Variants in NKTR observed in about 807,000 individuals in gnomAD.
The protein encoded by NKTR is NK-tumor recognition protein.
In NKTR, 67 loss-of-function variants were observed where a neutral mutation model predicts 156.3. The observed-to-expected ratio is 0.43, with a 90% CI of 0.35 to 0.53. The LOEUF is 0.53. Among genes scored for constraint, NKTR ranks in the 20% least tolerant of loss-of-function variants. NKTR has a pLI of 0.01. For missense variants in NKTR, 1,604 were observed against 1,730.9 expected (o/e 0.93, Z 1.30); for synonymous variants, 640 against 596.6 (o/e 1.07, Z -1.06).
At chr3:42,627,593 A>G (rs1299590331) in intron 6 of NKTR, 4 of 985,144 alleles carry the variant, frequency 4.1e-6, no homozygotes, top group Non-Finnish European at 4.8e-6. Flanking sequence ...ACACTTGTCA[A>G]TTTCTAAGAT....
intron 14 of NKTR, 70 bp downstream of exon 14, chr3:42,642,666 G>GGGGTAGTT: frequency 9.4e-7 from 1 of 1,067,146 alleles, no homozygotes; most frequent in East Asian, 2.4e-5. Context: ...ATAGGCAGAG[G>GGGGTAGTT]GGGTAGTTGT....
chr3:42,620,803 C>G, intron 5 of NKTR: 1 of 984,968 alleles, frequency 1.0e-6, no homozygotes, highest in Non-Finnish European at 1.2e-6. Context: ...TGTGGTTGTT[C>G]CTTGTGGCAG....
At chr3:42,628,785 T>G (rs1312683004) in intron 6 of NKTR, 1 of 661,196 alleles carries the variant, frequency 1.5e-6, no homozygotes, top group South Asian at 6.9e-5. Context: ...GTGGATCACC[T>G]GAGGTCAGGA....
Position 42,621,535 on chromosome 3 carries a change from G to C in NKTR, c.374+19G>C. 1 of 1,602,104 alleles carries C rather than the reference G, an allele frequency of 6.2e-7. No homozygotes were observed. The highest frequency in any genetic ancestry group is 8.5e-7 in the Non-Finnish European group (1 of 1,175,744). On this transcript the variant is annotated intron_variant, in intron 6 of 16. Coordinates refer to ENST00000232978, the MANE Select transcript of NKTR (RefSeq NM_005385.4). The stretch of plus-strand genomic sequence containing the variant: ...TTTTCATGTGAGTAGGCATAATTCA[G>C]AGATGAGCTTTTCTTAAACAGAGAA...
At position 42,619,499 on chromosome 3, in the gene NKTR, A is replaced by G. The variant is rs531035757; in HGVS notation, c.242-165A>G. Reference sequence around the variant, plus strand: ...GGTATTTCTTGTAATGGGACTTGACATATATTTTACAGATGAAGTTAATTG... The same window carrying G: ...GGTATTTCTTGTAATGGGACTTGACGTATATTTTACAGATGAAGTTAATTG... On this transcript the variant is annotated intron_variant, in intron 4 of 16. Coordinates refer to ENST00000232978, the MANE Select transcript of NKTR (RefSeq NM_005385.4). 862 of 1,453,420 alleles carry G rather than the reference A, an allele frequency of 5.9e-4. 8 individuals are homozygous for G. The South Asian group carries it at 0.012, about 20-fold the overall frequency. 90.0% of individuals were successfully genotyped at this position (1,453,420 alleles called of 1,614,324 possible). A position where few individuals can be genotyped will look rare whatever the true frequency, so the allele number is the denominator to read the frequency against.
In NKTR at chr3:42,619,035, G is replaced by A; in HGVS notation, c.149G>A (p.Gly50Glu). The A allele has an allele frequency of 6.3e-7, 1 of 1,590,256 alleles. No homozygotes were observed. ...TTTTTTCCAGGAGAGAAAGGCCTTG[G>A]GAAAACAACTGGGAAGAAGTTATGT... ...LCLCSGEKGL[G>E]KTTGKKLCYK... Residue 50 changes from glycine to glutamate, a missense_variant, in exon 4 of 17, where the codon GGG (glycine) becomes GAG (glutamate). Physicochemically the swap from Gly to Glu is moderately conservative, Grantham distance 98. This residue lies in a region of NKTR where 73 missense variants were observed against 90.7 expected (regional missense o/e 0.80). Transcript: ENST00000232978.
chr3:42,643,576 G>A (rs1577597021), intron 15 of NKTR, 181 bp downstream of exon 15: 5 of 634,420 alleles, frequency 7.9e-6, no homozygotes, highest in Middle Eastern at 2.6e-4. Flanking sequence ...TTGTACTCCA[G>A]TGTCAAAAAT....
chr3:42,632,437 A>G, intron 8 of NKTR, 164 bp from the exon 9 acceptor site: 3 of 578,580 alleles, frequency 5.2e-6, no homozygotes, highest in Non-Finnish European at 9.2e-6. Context: ...CTACCTTACA[A>G]TCTTGCCAGT....
chr3:42,643,726 A>G (rs1251438791), intron 15 of NKTR, 176 bp from the exon 16 acceptor site: 2 of 687,156 alleles, frequency 2.9e-6, no homozygotes, highest in East Asian at 2.7e-5. Flanking sequence ...AATTATGGTA[A>G]GTCTCATTTG....
chr3:42,629,914 T>G, intron 6 of NKTR: 2 of 985,492 alleles, frequency 2.0e-6, no homozygotes, highest in Non-Finnish European at 2.4e-6. Flanking sequence ...CATTACTTTT[T>G]GCTGTCAGAA....
chr3:42,619,828 C>A, intron 5 of NKTR, 120 bp downstream of exon 5: 1 of 1,494,060 alleles, frequency 6.7e-7, no homozygotes, highest in Non-Finnish European at 8.9e-7. Context: ...ACTAATGCTG[C>A]ATGAAAATAC....
At chr3:42,635,877 C>T (rs554792017) in intron 12 of NKTR, among the ~76,000 whole-genome samples, 76 of 150,920 alleles carry the variant, frequency 5.0e-4, no homozygotes, top group African/African-American at 1.6e-3. Flanking sequence ...CACTGCACTC[C>T]AGCCTGGGTG....
rs1376711373 is a variant in NKTR, at chr3:42,635,338, A to G, written c.1135A>G (p.Ser379Gly). The G allele has an allele frequency of 6.2e-7, 1 of 1,612,030 alleles. No individual in the cohort carries two copies. The highest frequency in any genetic ancestry group is 2.2e-5 in the East Asian group (1 of 44,802). Residue 379 changes from serine (S) to glycine (G), a missense_variant, in exon 12 of 17, where the codon AGT (serine) becomes GGT (glycine). By Grantham distance (56) the Ser-to-Gly change is moderately conservative. Around this residue, in one of 6 missense-constraint regions of NKTR, gnomAD observed 1,255 missense variants for 1,243.7 expected, o/e 1.01. Transcript: ENST00000232978. The part of the protein sequence containing the change: ...MQRLRAYRPP[S>G]GEKWSKGDKL... ...GAGATTAAGAGCATATAGACCACCTAGTGGAGAAAAATGGAGTAAAGGAGA... is the reference window on the plus strand; with the variant it reads ...GAGATTAAGAGCATATAGACCACCTGGTGGAGAAAAATGGAGTAAAGGAGA...
chr3:42,620,632 T>TA lies in NKTR; in HGVS notation c.287-793dup, dbSNP rs559233602. On this transcript the variant is annotated intron_variant, in intron 5 of 16. Coordinates refer to ENST00000232978, the MANE Select transcript of NKTR (RefSeq NM_005385.4). ...GAAGAAGATTTGTTTGTATGAATGTTAAAAGGACATATAAGTTAGTTTTCA... is the reference window on the plus strand; with the variant it reads ...GAAGAAGATTTGTTTGTATGAATGTTAAAAAGGACATATAAGTTAGTTTTCA... 154 of 982,110 alleles carry TA rather than the reference T, an allele frequency of 1.6e-4. No homozygotes were observed. The East Asian group carries it at 0.012, about 80-fold the overall frequency. 60.8% of individuals were successfully genotyped at this position (982,110 alleles called of 1,614,324 possible).
chr3:42,637,744 A>T lies in NKTR; in HGVS notation c.2040A>T (p.Lys680Asn). 1 of 1,613,966 alleles carries T rather than the reference A, an allele frequency of 6.2e-7. No homozygotes were observed. The highest frequency in any genetic ancestry group is 8.5e-7 in the Non-Finnish European group (1 of 1,179,978). ...AAAGTGATCAGAGCACTTATTCAAA[A>T]TACAGTGATAGAAGTTCAGAAAGCT... The part of the protein sequence containing the change: ...NSESDQSTYS[K>N]YSDRSSESSP... The change falls in exon 13 of 17, where the codon AAA becomes AAT. Residue 680 changes from lysine (K) to asparagine (N), a missense_variant. Around this residue, in one of 6 missense-constraint regions of NKTR, gnomAD observed 1,255 missense variants for 1,243.7 expected, o/e 1.01. Coordinates refer to ENST00000232978, the MANE Select transcript of NKTR (RefSeq NM_005385.4).
At chr3:42,621,299 G>T in intron 5 of NKTR, 130 bp from the exon 6 acceptor site, 4 of 1,336,926 alleles carry the variant, frequency 3.0e-6, no homozygotes, top group South Asian at 2.0e-5. Flanking sequence ...TTTCTTTTCT[G>T]AGTGTTCAGT....
intron 8 of NKTR, among the ~76,000 whole-genome samples, chr3:42,632,138 C>T (rs1708975076): frequency 7.0e-6 from 1 of 143,452 alleles, no homozygotes; most frequent in South Asian, 2.2e-4. Context: ...GGCACTATCT[C>T]GGCTCACTGC....
chr3:42,633,228 C>T, intron 9 of NKTR: 1 of 494,424 alleles, frequency 2.0e-6, no homozygotes, highest in Non-Finnish European at 2.8e-6. Flanking sequence ...TTTGTAGAGA[C>T]AGGGTCTTCC....
intron 16 of NKTR, among the ~76,000 whole-genome samples, chr3:42,644,927 C>CT (rs1416961629): frequency 2.0e-5 from 3 of 152,264 alleles, no homozygotes; most frequent in Non-Finnish European, 1.5e-5. Context: ...GTCTTGCTGA[C>CT]TATTCTATTC....
Sources: allele counts gnomAD v4.1 joint callset (sites outside exome capture counted in the v4.1 genomes callset), GRCh38; gene constraint gnomAD v4.1.1; regional missense constraint gnomAD v4.1.1; transcripts MANE v1.5; gene names NCBI Gene and HGNC (gene_info 2026-07-23, HGNC 2026-07-21).